Variants in C12orf42 observed in about 807,000 individuals in gnomAD.
C12orf42 encodes chromosome 12 open reading frame 42, also known as uncharacterized protein C12orf42.
In C12orf42, 25 loss-of-function variants were observed where a neutral mutation model predicts 21.6. The ratio of observed to expected loss-of-function variants is 1.16; its 90% CI spans 0.84 to 1.62. The LOEUF is 1.62. Among genes scored for constraint, C12orf42 ranks in the 40% most tolerant of loss-of-function variants. The pLI is 0.00. For missense variants in C12orf42, 483 were observed against 459.3 expected (o/e 1.05, Z -0.47); for synonymous variants, 174 against 175.0 (o/e 0.99, Z 0.05).
chr12:103,230,302 A>T, the C12orf42 span, among the ~76,000 whole-genome samples: 1 of 148,036 alleles, frequency 6.8e-6, no homozygotes, highest in Non-Finnish European at 1.5e-5. Flanking sequence ...TGTTGGAAGA[A>T]TTTTTTTTTT....
At chr12:103,519,084 T>G in the C12orf42 span, among the ~76,000 whole-genome samples, 76 of 152,264 alleles carry the variant, frequency 5.0e-4, no homozygotes, top group African/African-American at 1.6e-3. Flanking sequence ...TCTTATGAGA[T>G]CTGATGGTTT....
the C12orf42 span, among the ~76,000 whole-genome samples, chr12:103,511,677 G>A: frequency 5.3e-5 from 8 of 152,202 alleles, no homozygotes; most frequent in South Asian, 1.0e-3. Context: ...AAAAAATAAA[G>A]TAGAAGCAGG....
chr12:103,079,026 C>G, the C12orf42 span, among the ~76,000 whole-genome samples: 1 of 152,182 alleles, frequency 6.6e-6, no homozygotes. Flanking sequence ...TTGAAGATAT[C>G]TGTGAAGACA....
chr12:103,392,316 T>C (rs2047151897), intron 3 of C12orf42, among the ~76,000 whole-genome samples: 1 of 152,226 alleles, frequency 6.6e-6, no homozygotes, highest in South Asian at 2.1e-4. Flanking sequence ...CCTTTGAGTT[T>C]CTACATGGAT....
intron 1 of C12orf42, among the ~76,000 whole-genome samples, chr12:103,486,488 G>A (rs1954842360): frequency 6.6e-6 from 1 of 152,142 alleles, no homozygotes; most frequent in Admixed American, 6.5e-5. Flanking sequence ...ATGAGTTAGG[G>A]AGGATTCCCT....
the C12orf42 span, among the ~76,000 whole-genome samples, chr12:103,210,605 T>TAATATCCTC: frequency 6.7e-6 from 1 of 150,368 alleles, no homozygotes; most frequent in East Asian, 2.0e-4. Context: ...CTACCATTGG[T>TAATATCCTC]AATATCCTCA....
chr12:103,271,069 CA>C (rs1344959457), intron 5 of C12orf42, among the ~76,000 whole-genome samples: 1 of 152,008 alleles, frequency 6.6e-6, no homozygotes, highest in Non-Finnish European at 1.5e-5. Context: ...TTCACAGCTC[CA>C]AAATAGCAGG....
intron 2 of C12orf42, among the ~76,000 whole-genome samples, chr12:103,403,659 C>A (rs2048203573): frequency 6.6e-6 from 1 of 152,174 alleles, no homozygotes; most frequent in Non-Finnish European, 1.5e-5. Flanking sequence ...GCCATGTCTG[C>A]AGGGAGGGGA....
chr12:103,240,478 A>G (rs1030127658), intron 10 of C12orf42, among the ~76,000 whole-genome samples: 2 of 152,186 alleles, frequency 1.3e-5, no homozygotes, highest in African/African-American at 4.8e-5. Flanking sequence ...CTCACAGCCT[A>G]CCTACAACCT....
the C12orf42 span, chr12:103,156,230 C>A: frequency 6.6e-6 from 1 of 152,096 alleles, no homozygotes; most frequent in South Asian, 2.1e-4. Context: ...CACCCAGCCA[C>A]AGAAGCATAC....
At chr12:103,219,728 T>C in the C12orf42 span, among the ~76,000 whole-genome samples, 1 of 152,120 alleles carries the variant, frequency 6.6e-6, no homozygotes, top group South Asian at 2.1e-4. Context: ...CTCACACCAG[T>C]TAGAATGGCG....
At chr12:103,091,827 TG>T in the C12orf42 span, among the ~76,000 whole-genome samples, 7 of 152,176 alleles carry the variant, frequency 4.6e-5, no homozygotes, top group African/African-American at 1.7e-4. Flanking sequence ...GAATGCACAA[TG>T]TTGTTTTCTT....
the C12orf42 span, among the ~76,000 whole-genome samples, chr12:103,065,727 A>T: frequency 6.6e-6 from 1 of 152,356 alleles, no homozygotes; most frequent in South Asian, 2.1e-4. Context: ...GCCTGTCAAG[A>T]TATTCCTTCT....
chr12:103,447,105 G>T (rs1951628209), intron 2 of C12orf42, among the ~76,000 whole-genome samples: 1 of 151,908 alleles, frequency 6.6e-6, no homozygotes, highest in African/African-American at 2.4e-5. Flanking sequence ...TAGACCATGT[G>T]ATAGGGCACA....
chr12:103,132,460 G>A, the C12orf42 span, among the ~76,000 whole-genome samples: 1 of 152,056 alleles, frequency 6.6e-6, no homozygotes, highest in East Asian at 1.9e-4. Context: ...AACTAACATA[G>A]GGAGTTGCCT....
intron 4 of C12orf42, among the ~76,000 whole-genome samples, chr12:103,323,663 T>C (rs910476219): frequency 6.6e-6 from 1 of 152,256 alleles, no homozygotes; most frequent in Non-Finnish European, 1.5e-5. Context: ...AAAGTAGATG[T>C]TCTCTCGAAT....
At chr12:103,277,795 AT>A (rs1593266141) in intron 4 of C12orf42, among the ~76,000 whole-genome samples, 1 of 151,870 alleles carries the variant, frequency 6.6e-6, no homozygotes, top group Non-Finnish European at 1.5e-5. Flanking sequence ...AATTTTTTGT[AT>A]TTTTAGTAGA....
chr12:103,472,794 G>A (rs1350146446), intron 2 of C12orf42, among the ~76,000 whole-genome samples: 1 of 152,208 alleles, frequency 6.6e-6, no homozygotes, highest in African/African-American at 2.4e-5. Flanking sequence ...AAAAAAGAAT[G>A]GAACACACAT....
At chr12:103,542,791 C>G in the C12orf42 span, among the ~76,000 whole-genome samples, 1 of 152,206 alleles carries the variant, frequency 6.6e-6, no homozygotes, top group Admixed American at 6.5e-5. Context: ...CTCCAAATAT[C>G]ACCTCTTTGA....
Sources: allele counts gnomAD v4.1 joint callset (sites outside exome capture counted in the v4.1 genomes callset), GRCh38; gene constraint gnomAD v4.1.1; transcripts MANE v1.5; gene names NCBI Gene and HGNC (gene_info 2026-07-23, HGNC 2026-07-21).